The following SPATA6 variants were observed in gnomAD, a reference collection of about 807,000 sequenced individuals.
SPATA6 encodes spermatogenesis associated 6.
A neutral mutation model predicts 65.3 loss-of-function variants in SPATA6; 56 were observed. That is an observed-to-expected ratio of 0.86 (90% confidence interval 0.69 to 1.07). The LOEUF (loss-of-function observed/expected upper bound fraction) is 1.07. Ranked by LOEUF, SPATA6 falls within the 50% of genes least tolerant of loss-of-function variation. The pLI is 0.00. For synonymous variants in SPATA6, 199 were observed against 213.2 expected, an observed-to-expected ratio of 0.93 and a Z score of 0.58; for missense variants, 590 against 594.8, an observed-to-expected ratio of 0.99 and a Z score of 0.08.
intron 11 of SPATA6, among the ~76,000 whole-genome samples, chr1:48,351,868 G>C (rs933585002): frequency 6.6e-6 from 1 of 151,956 alleles, no homozygotes. Flanking sequence ...CTTAAATTTT[G>C]TTTGGATTCA....
At chr1:48,374,072 G>A (rs1341606261) in intron 9 of SPATA6, among the ~76,000 whole-genome samples, 1 of 152,184 alleles carries the variant, frequency 6.6e-6, no homozygotes, top group African/African-American at 2.4e-5. Flanking sequence ...ATGGGAAAGT[G>A]TGTGTATAGC....
rs183723589 is a variant in SPATA6 at position 48,406,516 on chromosome 1, T to A, written c.406-2634A>T. On this transcript the variant is annotated intron_variant, in intron 5 of 12. Coordinates refer to ENST00000371847, the MANE Select transcript of SPATA6 (RefSeq NM_019073.4). ...TAAATGTCAGTTCATCTATGAAGTCTACAAGATGCAATTCATTCATTCAAT... is the reference window on the plus strand; with the variant it reads ...TAAATGTCAGTTCATCTATGAAGTCAACAAGATGCAATTCATTCATTCAAT... 2.9e-3 allele frequency among the ~76,000 whole-genome samples: 440 copies of A among 152,352 alleles called. 3 individuals carry two copies. The highest frequency in any genetic ancestry group is 8.8e-3 in the Admixed American group (135 of 15,302).
At chr1:48,429,347 A>T (rs933910518) in intron 3 of SPATA6, among the ~76,000 whole-genome samples, 1 of 152,158 alleles carries the variant, frequency 6.6e-6, no homozygotes, top group Non-Finnish European at 1.5e-5. Context: ...ACAACTGCAT[A>T]TACAGAGAAA....
chr1:48,364,895 T>C (rs570969074), intron 9 of SPATA6, among the ~76,000 whole-genome samples: 5 of 152,204 alleles, frequency 3.3e-5, no homozygotes, highest in African/African-American at 7.2e-5. Flanking sequence ...CTGAATGGTA[T>C]TGCCTAGGTT....
chr1:48,297,113 G>T lies in SPATA6; in HGVS notation c.*1600C>A, dbSNP rs1644826077. ...TTTTTACCTCTATAATCCTACATAT[G>T]ACTCTCTAAGAGGTGTGTGTGTGTG... On this transcript the variant is annotated 3_prime_UTR_variant, in exon 13 of 13. Coordinates refer to ENST00000371847, the MANE Select transcript of SPATA6 (RefSeq NM_019073.4). The T allele has an allele frequency of 7.1e-6, 1 of 141,218 alleles. No individual in the cohort carries two copies. The highest frequency in any genetic ancestry group is 2.6e-5 in the African/African-American group (1 of 38,000). The allele number at this position is 141,218 out of a possible 1,614,324, so 8.7% of individuals were successfully genotyped here.
chr1:48,385,404 T>C, intron 8 of SPATA6, 55 bp from the exon 9 acceptor site: 1 of 1,441,452 alleles, frequency 6.9e-7, no homozygotes, highest in Non-Finnish European at 9.6e-7. Context: ...ATCTTTGATT[T>C]TTAATACTAT....
chr1:48,384,363 AGGGAGAGGGAGAGGGAGAGG>A (rs1649203043), intron 9 of SPATA6, among the ~76,000 whole-genome samples: 1 of 1,940 alleles, frequency 5.2e-4, no homozygotes, highest in Non-Finnish European at 1.1e-3. Context: ...GGAGAGGGAG[AGGGAGAGGGAGAGGGAGAGG>A]GAGAGGGAGA....
At chr1:48,386,405 C>T (rs991498661) in intron 8 of SPATA6, among the ~76,000 whole-genome samples, 3 of 152,156 alleles carry the variant, frequency 2.0e-5, no homozygotes, top group Admixed American at 6.5e-5. Flanking sequence ...CAGAGACAAT[C>T]AGTTTGCAGC....
At chr1:48,269,194 T>G in the SPATA6 span, among the ~76,000 whole-genome samples, 1 of 152,198 alleles carries the variant, frequency 6.6e-6, no homozygotes, top group Admixed American at 6.5e-5. Flanking sequence ...ATAGCCCATT[T>G]TTTTCTCTGA....
intron 8 of SPATA6, among the ~76,000 whole-genome samples, chr1:48,389,681 A>G (rs1649849398): frequency 1.3e-5 from 2 of 150,436 alleles, no homozygotes; most frequent in Admixed American, 6.6e-5. Flanking sequence ...ATATATCCAG[A>G]AAAAAAATCC....
intron 5 of SPATA6, among the ~76,000 whole-genome samples, chr1:48,408,451 G>A (rs909962184): frequency 5.9e-5 from 9 of 152,140 alleles, no homozygotes; most frequent in African/African-American, 2.2e-4. Context: ...TTAGGTGTAT[G>A]AATATATATT....
chr1:48,359,806 TAC>T (rs1196585301), intron 9 of SPATA6, 36 bp from the exon 10 acceptor site: 1 of 1,484,116 alleles, frequency 6.7e-7, no homozygotes, highest in African/African-American at 1.4e-5. Flanking sequence ...GATATACAAA[TAC>T]AGATACATAT....
the SPATA6 span, among the ~76,000 whole-genome samples, chr1:48,264,151 G>C: frequency 1.3e-5 from 2 of 152,220 alleles, no homozygotes; most frequent in Admixed American, 1.3e-4. Context: ...CTTACCCTTG[G>C]CTTTAATGTA....
intron 3 of SPATA6, among the ~76,000 whole-genome samples, chr1:48,417,870 T>TTCG (rs1652923111): frequency 6.6e-6 from 1 of 152,090 alleles, no homozygotes; most frequent in Non-Finnish European, 1.5e-5. Context: ...ATTTTTGTTT[T>TTCG]TTGTTGTTGT....
At chr1:48,350,489 C>T (rs145334782) in intron 11 of SPATA6, among the ~76,000 whole-genome samples, 19 of 151,232 alleles carry the variant, frequency 1.3e-4, no homozygotes, top group East Asian at 9.7e-4. Context: ...AACTCATTGC[C>T]GAAATTAAAT....
chr1:48,358,243 G>C (rs554326053), intron 10 of SPATA6, among the ~76,000 whole-genome samples: 6 of 152,140 alleles, frequency 3.9e-5, no homozygotes, highest in African/African-American at 1.2e-4. Context: ...CAAAGATAAA[G>C]TAACACTGAA....
intron 9 of SPATA6, among the ~76,000 whole-genome samples, chr1:48,367,656 T>TTCGATCC (rs1469315769): frequency 4.6e-5 from 7 of 152,198 alleles, no homozygotes; most frequent in Admixed American, 2.0e-4. Context: ...TTGGTAGATC[T>TTCGATCC]TCCTCCATCC....
chr1:48,386,485 A>G (rs1649477686), intron 8 of SPATA6, among the ~76,000 whole-genome samples: 1 of 152,194 alleles, frequency 6.6e-6, no homozygotes, highest in Admixed American at 6.5e-5. Context: ...GAGCAGATAG[A>G]TAATCATACA....
At chr1:48,436,731 G>A in intron 3 of SPATA6, 1 of 1,614,172 alleles carries the variant, frequency 6.2e-7, no homozygotes, top group South Asian at 1.1e-5. Context: ...ACAGTGTTGG[G>A]ATTACAGCAT....
Sources: allele counts gnomAD v4.1 joint callset (sites outside exome capture counted in the v4.1 genomes callset), GRCh38; gene constraint gnomAD v4.1.1; transcripts MANE v1.5; gene names NCBI Gene and HGNC (gene_info 2026-07-23, HGNC 2026-07-21).